MILR1: variants seen among roughly 807,000 people sequenced by gnomAD.
MILR1 encodes the protein allergin-1.
Under a neutral mutation model 18.5 loss-of-function variants are expected in MILR1, and 31 were observed. The observed-to-expected ratio is 1.68, with a 90% CI of 1.26 to 2.26. The LOEUF (loss-of-function observed/expected upper bound fraction) is 2.26. Among genes scored for constraint, MILR1 ranks in the 30% most tolerant of loss-of-function variants. The pLI, the probability that MILR1 is intolerant of heterozygous loss-of-function variation, is 0.00. For synonymous variants in MILR1, 85 were observed against 56.2 expected (o/e 1.51, Z -2.30); for missense variants, 257 against 157.4 (o/e 1.63, Z -3.38).
the MILR1 span, among the ~76,000 whole-genome samples, chr17:64,494,312 A>G: frequency 6.6e-6 from 1 of 152,188 alleles, no homozygotes; most frequent in Non-Finnish European, 1.5e-5. Flanking sequence ...TTATTGCATC[A>G]TAACATGAGG....
chr17:64,466,729 A>T, intron 8 of MILR1, 67 bp downstream of exon 8: 1 of 1,362,382 alleles, frequency 7.3e-7, no homozygotes. Context: ...ATGTCATTAT[A>T]TTCAGGGGCT....
chr17:64,490,612 T>C, the MILR1 span: 5 of 614,948 alleles, frequency 8.1e-6, no homozygotes, highest in Non-Finnish European at 1.2e-5. Flanking sequence ...GTGGCAATAG[T>C]GGATTACTGT....
downstream of MILR1, among the ~76,000 whole-genome samples, chr17:64,469,879 C>A (rs1256729969): frequency 6.6e-6 from 1 of 152,088 alleles, no homozygotes; most frequent in South Asian, 2.1e-4. Flanking sequence ...CTACTGAGAC[C>A]CGACCCTGGT....
At chr17:64,478,713 T>C in the MILR1 span, among the ~76,000 whole-genome samples, 17 of 151,780 alleles carry the variant, frequency 1.1e-4, no homozygotes, top group African/African-American at 4.1e-4. Flanking sequence ...CTGGCCAACA[T>C]AGTGAAACCC....
chr17:64,491,401 C>T, the MILR1 span: 2 of 642,692 alleles, frequency 3.1e-6, no homozygotes, highest in Non-Finnish European at 5.2e-6. Context: ...TCGAGACCAG[C>T]CTGGGTAACA....
intron 4 of MILR1, among the ~76,000 whole-genome samples, chr17:64,459,850 T>C (rs2037382941): frequency 6.6e-6 from 1 of 152,204 alleles, no homozygotes; most frequent in African/African-American, 2.4e-5. Flanking sequence ...ACACCCAGGC[T>C]TTTCTGGTGC....
the MILR1 span, chr17:64,491,431 C>CA: frequency 1.3e-6 from 1 of 785,166 alleles, no homozygotes; most frequent in African/African-American, 1.7e-5. Context: ...TTCATCTCTA[C>CA]AAATAATAAA....
At chr17:64,492,532 G>T in the MILR1 span, 1 of 642,768 alleles carries the variant, frequency 1.6e-6, no homozygotes, top group African/African-American at 1.8e-5. Flanking sequence ...TTGTTACAAA[G>T]AGTTTTTGTA....
At chr17:64,475,649 C>CA in the MILR1 span, among the ~76,000 whole-genome samples, 1,470 of 86,080 alleles carry the variant, frequency 0.017, 19 homozygotes, top group Admixed American at 0.053. Context: ...AACTCCAACT[C>CA]AAAAAAAAAA....
chr17:64,467,622 T>G lies in MILR1; in HGVS notation c.*5T>G. 1 of 1,563,330 alleles carries G rather than the reference T, an allele frequency of 6.4e-7. No individual in the cohort carries two copies. Among genetic ancestry groups the G allele is most frequent in the Non-Finnish European group, 8.7e-7 (1 of 1,146,874 alleles). ...TATTCTGAACTCAACTTCTGAAATT[T>G]ACAGAAACAAACTACATCTCAGGGT... is the stretch of plus-strand genomic sequence containing the variant. On this transcript the variant is annotated 3_prime_UTR_variant, in exon 9 of 10. Coordinates refer to ENST00000619286, the MANE Select transcript of MILR1 (RefSeq NM_001085423.2).
At chr17:64,472,465 C>CAAAAAA (rs71158332), downstream of MILR1, among the ~76,000 whole-genome samples, 612 of 13,912 alleles carry the variant, frequency 0.044, 96 homozygotes, top group Middle Eastern at 0.1. Flanking sequence ...GACTCCATCT[C>CAAAAAA]AAAAAAAAAA....
At chr17:64,465,272 G>A (rs1393216651) in intron 5 of MILR1, among the ~76,000 whole-genome samples, 180 bp from the exon 6 acceptor site, 1 of 152,226 alleles carries the variant, frequency 6.6e-6, no homozygotes, top group African/African-American at 2.4e-5. Context: ...CTGGCTTGGA[G>A]GAGCGGTGTC....
downstream of MILR1, among the ~76,000 whole-genome samples, chr17:64,473,281 G>A (rs1555664950): frequency 1.3e-5 from 2 of 151,510 alleles, no homozygotes; most frequent in African/African-American, 4.9e-5. Flanking sequence ...AACCCGGGAG[G>A]CGGAGCTTGC....
downstream of MILR1, among the ~76,000 whole-genome samples, chr17:64,473,021 C>CT (rs2037712943): frequency 6.6e-6 from 1 of 152,156 alleles, no homozygotes. Flanking sequence ...CCTTCTGCCT[C>CT]TTCTACTCTC....
Position 64,467,559 on chromosome 17 carries a change from T to C in MILR1, c.980-6T>C. The C allele has an allele frequency of 6.6e-7, 1 of 1,504,766 alleles. No individual in the cohort carries two copies. The highest frequency in any genetic ancestry group is 9.1e-7 in the Non-Finnish European group (1 of 1,102,436). 93.2% of individuals were successfully genotyped at this position (1,504,766 alleles called of 1,614,324 possible). A position where few individuals can be genotyped will look rare whatever the true frequency, so the allele number is the denominator to read the frequency against. On this transcript the variant is annotated splice_region_variant and splice_polypyrimidine_tract_variant and intron_variant, in intron 8 of 9. Coordinates refer to ENST00000619286, the MANE Select transcript of MILR1 (RefSeq NM_001085423.2). ...TAAGTAAATTATTTTCCCTTTTATA[T>C]TTCAGAAGCCTGTGATTCTTATAAA...
chr17:64,495,510 G>T, the MILR1 span, among the ~76,000 whole-genome samples: 1 of 152,102 alleles, frequency 6.6e-6, no homozygotes, highest in Non-Finnish European at 1.5e-5. Flanking sequence ...GCCCGAGGTC[G>T]AGGCTGCAGT....
At chr17:64,463,043 T>G (rs1370615961) in intron 5 of MILR1, among the ~76,000 whole-genome samples, 1 of 147,860 alleles carries the variant, frequency 6.8e-6, no homozygotes, top group Non-Finnish European at 1.5e-5. Context: ...TTTAAAAAAC[T>G]TTATTAAACA....
intron 6 of MILR1, 80 bp downstream of exon 6, chr17:64,465,621 G>C: frequency 1.4e-6 from 2 of 1,460,436 alleles, no homozygotes; most frequent in Non-Finnish European, 1.9e-6. Context: ...AGACATACGG[G>C]AGTGGGGGGT....
chr17:64,487,179 G>A, the MILR1 span: 2 of 152,016 alleles, frequency 1.3e-5, no homozygotes, highest in Non-Finnish European at 2.9e-5. Flanking sequence ...TATATGTACT[G>A]ACATTTTAAA....
Sources: allele counts gnomAD v4.1 joint callset (sites outside exome capture counted in the v4.1 genomes callset), GRCh38; gene constraint gnomAD v4.1.1; transcripts MANE v1.5; gene names NCBI Gene and HGNC (gene_info 2026-07-23, HGNC 2026-07-21).